Variants in DFFA observed in about 807,000 individuals in gnomAD.
DFFA encodes DNA fragmentation factor subunit alpha.
A neutral mutation model predicts 28.0 loss-of-function variants in DFFA; 14 were observed. That is an observed-to-expected ratio of 0.50 (90% CI 0.33 to 0.78). The LOEUF (loss-of-function observed/expected upper bound fraction) is 0.78. Ranked by LOEUF, DFFA falls within the 30% of genes least tolerant of loss-of-function variation. The pLI is 0.02. For synonymous variants in DFFA, 158 were observed against 170.3 expected, an observed-to-expected ratio of 0.93 and a Z score of 0.56; for missense variants, 395 against 407.1, an observed-to-expected ratio of 0.97 and a Z score of 0.26.
intron 1 of DFFA, among the ~76,000 whole-genome samples, chr1:10,470,979 A>G (rs966308474): frequency 7.0e-6 from 1 of 143,484 alleles, no homozygotes; most frequent in Non-Finnish European, 1.5e-5. Flanking sequence ...AGGAGAATGG[A>G]GTGAACCCGG....
chr1:10,460,007 G>C lies in DFFA; in HGVS notation c.*1483C>G, dbSNP rs1213841991. ...CACCTGTAATCCCAGCACTTTGGGAGGCTGAGGTGGGTGGATCACCTGAGG... is the reference window on the plus strand; with the variant it reads ...CACCTGTAATCCCAGCACTTTGGGACGCTGAGGTGGGTGGATCACCTGAGG... On this transcript the variant is annotated 3_prime_UTR_variant, in exon 6 of 6. Transcript: ENST00000377038. 6.6e-6 allele frequency: 1 copy of C among 152,030 alleles called. No individual in the cohort carries two copies. The highest frequency in any genetic ancestry group is 1.5e-5 in the Non-Finnish European group (1 of 68,046). 9.4% of individuals were successfully genotyped at this position (152,030 alleles called of 1,614,324 possible). A position where few individuals can be genotyped will look rare whatever the true frequency, so the allele number is the denominator to read the frequency against.
At chr1:10,463,264 GAAC>G in intron 4 of DFFA, 55 bp from the exon 5 acceptor site, 1 of 1,592,928 alleles carries the variant, frequency 6.3e-7, no homozygotes, top group Non-Finnish European at 8.6e-7. Context: ...ACAGCCACAT[GAAC>G]AACTCGCCAG....
rs529815256 is a variant in DFFA at position 10,463,133 on chromosome 1, C to G, written c.708G>C (p.Ala236=). The G allele has an allele frequency of 5.6e-6, 9 of 1,614,048 alleles. No homozygotes were observed. The highest frequency in any genetic ancestry group is 6.8e-6 in the Non-Finnish European group (8 of 1,180,038). Residue 236 remains alanine, a synonymous_variant, in exon 5 of 6, where the codon GCG becomes GCC. Transcript: ENST00000377038. ...GISRETSSDV[A]LASHILTALR... ...GTGCAGTAAGGATGTGGCTCGCCAGCGCAACGTCCGAGGAGGTCTCTCTGC... is the reference window on the plus strand; with the variant it reads ...GTGCAGTAAGGATGTGGCTCGCCAGGGCAACGTCCGAGGAGGTCTCTCTGC...
At position 10,467,240 on chromosome 1, in the gene DFFA, G is replaced by A. The variant is rs991140182; in HGVS notation, c.391C>T (p.Leu131=). The A allele has an allele frequency of 6.2e-7, 1 of 1,614,104 alleles. No homozygotes were observed. The highest frequency in any genetic ancestry group is 8.5e-7 in the Non-Finnish European group (1 of 1,180,008). The change falls in exon 3 of 6, where the codon CTG becomes TTG. Residue 131 remains leucine, a synonymous_variant. Transcript: ENST00000377038. ...GLKWKNVARQ[L]KEDLSSIILL... is the part of the protein sequence containing the mutation. ...ATGATGCTGGACAGATCTTCTTTCAGCTGCCTGGCCACATTCTTCCACTTC... is the reference window on the plus strand; with the variant it reads ...ATGATGCTGGACAGATCTTCTTTCAACTGCCTGGCCACATTCTTCCACTTC...
rs910719694 is a variant in DFFA at position 10,457,880 on chromosome 1, G to A, written c.*3610C>T. 5.6e-5 allele frequency: 2 copies of A among 35,668 alleles called. No homozygotes were observed. Among genetic ancestry groups the A allele is most frequent in the Admixed American group, 2.5e-4 (1 of 3,980 alleles). The allele number at this position is 35,668 out of a possible 1,614,324, so 2.2% of individuals were successfully genotyped here. Reference sequence around the variant, plus strand: ...AACACTAACGCCCAGACGAGTCAACGAACGCTCTGTGTGTCTAACAGAAAT... The same window carrying A: ...AACACTAACGCCCAGACGAGTCAACAAACGCTCTGTGTGTCTAACAGAAAT... On this transcript the variant is annotated 3_prime_UTR_variant, in exon 6 of 6. Coordinates refer to ENST00000377038, the MANE Select transcript of DFFA (RefSeq NM_004401.3).
At chr1:10,467,365 C>G (rs1641037996) in intron 2 of DFFA, 33 bp from the exon 3 acceptor site, 2 of 1,613,748 alleles carry the variant, frequency 1.2e-6, no homozygotes, top group Non-Finnish European at 1.7e-6. Context: ...AGTCACAGAA[C>G]AACCTGAAGT....
At chr1:10,469,367 A>G (rs1163209484) in intron 1 of DFFA, 29 bp from the exon 2 acceptor site, 9 of 1,608,372 alleles carry the variant, frequency 5.6e-6, no homozygotes. Context: ...TTGGCAAATG[A>G]CAAATAACCG....
In DFFA at chr1:10,472,404, T is replaced by G; in HGVS notation, c.55A>C (p.Lys19Gln). 6.2e-7 allele frequency: 1 copy of G among 1,612,522 alleles called. No individual in the cohort carries two copies. The highest frequency in any genetic ancestry group is 1.7e-5 in the Admixed American group (1 of 59,844). The change falls in exon 1 of 6, where the codon AAG (lysine) becomes CAG (glutamine). Residue 19 changes from lysine to glutamine, a missense_variant. Transcript: ENST00000377038. The surrounding 1 kb of genome is among the most constrained non-coding windows in gnomAD (Gnocchi z 5.0). ...VPESGEIRTL[K>Q]PCLLRRNYSR... Reference sequence around the variant, plus strand: ...TAGTTGCGGCGCAGCAGACACGGCTTTAGAGTCCGGATCTCGCCAGATTCT... The same window carrying G: ...TAGTTGCGGCGCAGCAGACACGGCTGTAGAGTCCGGATCTCGCCAGATTCT...
Position 10,461,569 on chromosome 1 carries a change from A to T in DFFA, c.917T>A (p.Leu306His). 1 of 1,614,188 alleles carries T rather than the reference A, an allele frequency of 6.2e-7. No individual in the cohort carries two copies. Among genetic ancestry groups the T allele is most frequent in the South Asian group, 1.1e-5 (1 of 91,086 alleles). The stretch of plus-strand genomic sequence containing the variant: ...GGCCTTGCTTGCTGAGATGCTCCGG[A>T]GAGAATGCAAGCTCTGCGTCTGCTG... ...RLQQTQSLHSLRSISASKASP... is the reference protein window; with the variant it reads ...RLQQTQSLHSHRSISASKASP... The change falls in exon 6 of 6, where the codon CTC (leucine) becomes CAC (histidine). Residue 306 changes from leucine to histidine, a missense_variant. Leu to His is a moderately conservative substitution (Grantham distance 99). Coordinates refer to ENST00000377038, the MANE Select transcript of DFFA (RefSeq NM_004401.3).
At chr1:10,462,150 G>T (rs184879957) in intron 5 of DFFA, among the ~76,000 whole-genome samples, 1 of 151,498 alleles carries the variant, frequency 6.6e-6, no homozygotes, top group South Asian at 2.1e-4. Context: ...GAGCCACCGC[G>T]CCCAGCCTGC....
At chr1:10,463,303 C>G in intron 4 of DFFA, 94 bp from the exon 5 acceptor site, 1 of 1,558,364 alleles carries the variant, frequency 6.4e-7, no homozygotes, top group Non-Finnish European at 8.7e-7. Flanking sequence ...AAGAGAGAAA[C>G]GTGCCCGTCC....
chr1:10,463,263 T>C (rs1049639429), intron 4 of DFFA, 54 bp from the exon 5 acceptor site: 3 of 1,593,860 alleles, frequency 1.9e-6, no homozygotes, highest in African/African-American at 1.3e-5. Flanking sequence ...CACAGCCACA[T>C]GAACAACTCG....
At position 10,463,058 on chromosome 1, in the gene DFFA, C is replaced by T. The variant is rs1360808056; in HGVS notation, c.783G>A (p.Glu261=). ...PELSLSSQDL[E]LVTKEDPKAL... is the part of the protein sequence containing the mutation. ...CTCAGTGACCCTGGTTTCCGCCCAC[C>T]TCCAAATCCTGACTAGATAAGCTCA... Residue 261 remains glutamate, a splice_region_variant and synonymous_variant, in exon 5 of 6, where the codon GAG becomes GAA. Coordinates refer to ENST00000377038, the MANE Select transcript of DFFA (RefSeq NM_004401.3). 5 of 1,614,142 alleles carry T rather than the reference C, an allele frequency of 3.1e-6. No homozygotes were observed. Among genetic ancestry groups the T allele is most frequent in the Non-Finnish European group, 4.2e-6 (5 of 1,180,010 alleles).
chr1:10,462,152 C>T (rs1317342487), intron 5 of DFFA, among the ~76,000 whole-genome samples: 3 of 152,046 alleles, frequency 2.0e-5, no homozygotes, highest in Non-Finnish European at 4.4e-5. Context: ...GCCACCGCGC[C>T]CAGCCTGCCA....
chr1:10,466,035 C>T (rs546172125), intron 3 of DFFA, among the ~76,000 whole-genome samples: 1 of 151,436 alleles, frequency 6.6e-6, no homozygotes, highest in South Asian at 2.1e-4. Flanking sequence ...ACAGTCTCAG[C>T]TACCTGAGAG....
rs768154363 is a variant in DFFA at position 10,472,493 on chromosome 1, G to A, written c.-35C>T. 34 of 1,560,172 alleles carry A rather than the reference G, an allele frequency of 2.2e-5. 1 individual carries two copies. The highest frequency in any genetic ancestry group is 3.4e-4 in the Middle Eastern group (2 of 5,868). On this transcript the variant is annotated 5_prime_UTR_variant, in exon 1 of 6. Transcript: ENST00000377038. The surrounding 1 kb of genome is among the most constrained non-coding windows in gnomAD (Gnocchi z 5.0). ...GGTGGGACCTGCCCACCTTCGAGAA[G>A]TCGCGGGAGGCCGGAGCGGCGGTCC... is the stretch of plus-strand genomic sequence containing the variant.
At position 10,467,272 on chromosome 1, in the gene DFFA, G is replaced by T. The variant is rs757159787; in HGVS notation, c.359C>A (p.Ala120Glu). The T allele has an allele frequency of 1.2e-6, 2 of 1,614,104 alleles. No individual in the cohort carries two copies. Among genetic ancestry groups the T allele is most frequent in the Non-Finnish European group, 1.7e-6 (2 of 1,180,020 alleles). Residue 120 changes from alanine to glutamate, a missense_variant, in exon 3 of 6, where the codon GCA (alanine) becomes GAA (glutamate). By Grantham distance (107) the Ala-to-Glu change is moderately radical. Transcript: ENST00000377038. The stretch of plus-strand genomic sequence containing the variant: ...GGCCACATTCTTCCACTTCAACCCT[G>T]CCCCGCTGTCTGTTTCATCTACATC... ...SFDVDETDSG[A>E]GLKWKNVARQ...
chr1:10,459,162 T>G lies in DFFA; in HGVS notation c.*2328A>C, dbSNP rs1267952870. Reference sequence around the variant, plus strand: ...AGCCACTGCGCCCGGCCTATTGTGATATTTCTTTACTTAATAACTAGCAGA... The same window carrying G: ...AGCCACTGCGCCCGGCCTATTGTGAGATTTCTTTACTTAATAACTAGCAGA... On this transcript the variant is annotated 3_prime_UTR_variant, in exon 6 of 6. Coordinates refer to ENST00000377038, the MANE Select transcript of DFFA (RefSeq NM_004401.3). The G allele has an allele frequency of 1.3e-5, 2 of 152,248 alleles. No individual in the cohort carries two copies. The highest frequency in any genetic ancestry group is 4.8e-5 in the African/African-American group (2 of 41,464). 9.4% of individuals were successfully genotyped at this position (152,248 alleles called of 1,614,324 possible).
At chr1:10,469,879 C>T (rs1641072549) in intron 1 of DFFA, among the ~76,000 whole-genome samples, 1 of 144,348 alleles carries the variant, frequency 6.9e-6, no homozygotes, top group African/African-American at 2.6e-5. Flanking sequence ...TGCAGTAGTA[C>T]AATCTTGGTT....
Sources: gnomAD v4.1 joint callset for allele counts (sites outside exome capture counted in the v4.1 genomes callset) on GRCh38, gnomAD v4.1.1 for gene constraint, Gnocchi (gnomAD v3.1) non-coding constraint, MANE v1.5 for transcripts, NCBI Gene and HGNC (gene_info 2026-07-23, HGNC 2026-07-21) for gene names.